DNAJC11: variants seen among roughly 807,000 people sequenced by gnomAD.
The protein encoded by DNAJC11 is dnaJ homolog subfamily C member 11.
Under a neutral mutation model 78.6 loss-of-function variants are expected in DNAJC11, and 15 were observed. That is an observed-to-expected ratio of 0.19 (90% CI 0.13 to 0.29). The LOEUF (loss-of-function observed/expected upper bound fraction) is 0.29. Ranked by LOEUF, DNAJC11 falls within the 10% of genes least tolerant of loss-of-function variation. The pLI, the probability that DNAJC11 is intolerant of heterozygous loss-of-function variation, is 1.00. For missense variants in DNAJC11, 547 were observed against 709.6 expected (o/e 0.77, Z 2.60); for synonymous variants, 292 against 272.1 (o/e 1.07, Z -0.72).
chr1:6,653,737 A>G lies in DNAJC11; in HGVS notation c.507+174T>C, dbSNP rs1557472745. 1 of 817,362 alleles carries G rather than the reference A, an allele frequency of 1.2e-6. No homozygotes were observed. Among genetic ancestry groups the G allele is most frequent in the Non-Finnish European group, 1.8e-6 (1 of 554,202 alleles). The allele number at this position is 817,362 out of a possible 1,614,324, so 50.6% of individuals were successfully genotyped here. Reference sequence around the variant, plus strand: ...CTCCTGCTGGCTCACATGCCAGCACAGCGGTAACACACGGCTGGGAATGAA... The same window carrying G: ...CTCCTGCTGGCTCACATGCCAGCACGGCGGTAACACACGGCTGGGAATGAA... On this transcript the variant is annotated intron_variant, in intron 5 of 15. Transcript: ENST00000377577. The surrounding 1 kb of genome is among the most constrained non-coding windows in gnomAD (Gnocchi z 4.5).
chr1:6,654,048 G>C lies in DNAJC11; in HGVS notation c.379-9C>G, dbSNP rs1642093627. The C allele has an allele frequency of 6.2e-7, 1 of 1,611,494 alleles. No homozygotes were observed. The highest frequency in any genetic ancestry group is 1.1e-5 in the South Asian group (1 of 90,974). ...CCAACGCTGATCGTTCCCTGGGGCAGAAAAACAAGCCGTCAGCAGAACGGG... is the reference window on the plus strand; with the variant it reads ...CCAACGCTGATCGTTCCCTGGGGCACAAAAACAAGCCGTCAGCAGAACGGG... On this transcript the variant is annotated splice_polypyrimidine_tract_variant and intron_variant, in intron 4 of 15. Coordinates refer to ENST00000377577, the MANE Select transcript of DNAJC11 (RefSeq NM_018198.4).
chr1:6,664,241 CTTTTTTTT>C (rs946714292), intron 4 of DNAJC11, among the ~76,000 whole-genome samples: 2 of 140,406 alleles, frequency 1.4e-5, no homozygotes, highest in Non-Finnish European at 3.1e-5. Context: ...CATTTTCTTT[CTTTTTTTT>C]TTTTTTTTGA....
intron 7 of DNAJC11, 31 bp from the exon 8 acceptor site, chr1:6,646,009 G>C: frequency 1.2e-6 from 2 of 1,604,164 alleles, no homozygotes; most frequent in South Asian, 2.2e-5. Context: ...AATAGGTCCT[G>C]GATAGCACCT....
Position 6,680,955 on chromosome 1 carries a change from T to G in DNAJC11, c.155A>C (p.Lys52Thr). 3 of 1,614,202 alleles carry G rather than the reference T, an allele frequency of 1.9e-6. No homozygotes were observed. Among genetic ancestry groups the G allele is most frequent in the Non-Finnish European group, 2.5e-6 (3 of 1,180,024 alleles). Reference sequence around the variant, plus strand: ...GTTAAACAGTCGTTCCGCCTGTGACTTGAGCTCTGGGTCTCTGTGCTTGTC... The same window carrying G: ...GTTAAACAGTCGTTCCGCCTGTGACGTGAGCTCTGGGTCTCTGTGCTTGTC... ...HPDKHRDPEL[K>T]SQAERLFNLV... The change falls in exon 2 of 16, where the codon AAG becomes ACG. Residue 52 changes from lysine (K) to threonine (T), a missense_variant. By Grantham distance (78) the Lys-to-Thr change is moderately conservative. Transcript: ENST00000377577. This position sits in a 1 kb window ranked among gnomAD's most constrained non-coding sequence, Gnocchi z 4.0.
In DNAJC11 at chr1:6,672,131, G is replaced by A. The variant is rs575456461; in HGVS notation, c.277-4321C>T. Among the ~76,000 whole-genome samples, 6 of 152,272 alleles carry A rather than the reference G, an allele frequency of 3.9e-5. No individual in the cohort carries two copies. In the South Asian group the frequency reaches 1.0e-3, roughly 26 times the overall value. On this transcript the variant is annotated intron_variant, in intron 3 of 15. Coordinates refer to ENST00000377577, the MANE Select transcript of DNAJC11 (RefSeq NM_018198.4). ...ATTACAGGTGTGAGCCACTGCACCC[G>A]GCCTGGATAGAAATTTTATAATTGA...
At chr1:6,643,454 T>A (rs1236497127) in intron 10 of DNAJC11, among the ~76,000 whole-genome samples, 2 of 151,784 alleles carry the variant, frequency 1.3e-5, no homozygotes, top group Non-Finnish European at 2.9e-5. Context: ...TTTTTGTATT[T>A]TTAGTAGAGA....
rs752499546 is a variant in DNAJC11, at chr1:6,645,173, CTG to C, written c.895-49_895-48del. The C allele has an allele frequency of 3.4e-6, 5 of 1,482,280 alleles. No homozygotes were observed. In the African/African-American group the frequency reaches 5.5e-5, roughly 16 times the overall value. The allele number at this position is 1,482,280 out of a possible 1,614,324, so 91.8% of individuals were successfully genotyped here. ...GGATGCGTGGCTAGGGCGTGTGACT[CTG>C]TGGGGAGATGGGTATCTGCCCTCCC... On this transcript the variant is annotated intron_variant, in intron 8 of 15. Coordinates refer to ENST00000377577, the MANE Select transcript of DNAJC11 (RefSeq NM_018198.4). The surrounding 1 kb of genome is among the most constrained non-coding windows in gnomAD (Gnocchi z 4.1).
At chr1:6,666,234 G>A (rs1477610827) in intron 4 of DNAJC11, among the ~76,000 whole-genome samples, 1 of 152,122 alleles carries the variant, frequency 6.6e-6, no homozygotes, top group Non-Finnish European at 1.5e-5. Context: ...TTTGAAATGT[G>A]GGATTCAAAG....
intron 3 of DNAJC11, among the ~76,000 whole-genome samples, chr1:6,675,207 C>T (rs952763821): frequency 3.3e-5 from 5 of 151,244 alleles, no homozygotes; most frequent in African/African-American, 9.7e-5. Context: ...AATACATATC[C>T]GAGTAAATAT....
intron 7 of DNAJC11, chr1:6,651,247 C>T (rs1642050457): frequency 4.7e-6 from 3 of 632,816 alleles, no homozygotes; most frequent in South Asian, 2.9e-5. Flanking sequence ...TCCCTGAAGG[C>T]ACTCTTTCTC....
At chr1:6,649,436 T>C (rs533038255) in intron 7 of DNAJC11, among the ~76,000 whole-genome samples, 1 of 152,308 alleles carries the variant, frequency 6.6e-6, no homozygotes, top group East Asian at 1.9e-4. Context: ...CCTAAAGTGC[T>C]GGGATTAGAG....
intron 6 of DNAJC11, among the ~76,000 whole-genome samples, chr1:6,652,129 G>A (rs541530469): frequency 5.3e-5 from 8 of 152,342 alleles, no homozygotes; most frequent in East Asian, 1.9e-4. Context: ...CCTGGCTGCC[G>A]TGTTTACTAG....
chr1:6,681,467 T>C (rs1295758962), intron 1 of DNAJC11, among the ~76,000 whole-genome samples: 2 of 152,186 alleles, frequency 1.3e-5, no homozygotes, highest in South Asian at 2.1e-4. Flanking sequence ...ATAACGAACA[T>C]GAATCCTTGA....
intron 7 of DNAJC11, among the ~76,000 whole-genome samples, chr1:6,649,088 GT>G (rs1642012739): frequency 6.6e-6 from 1 of 151,966 alleles, no homozygotes; most frequent in Non-Finnish European, 1.5e-5. Flanking sequence ...AACCTCCCGG[GT>G]TCAAGCAATC....
intron 4 of DNAJC11, among the ~76,000 whole-genome samples, chr1:6,664,935 C>T (rs999096171): frequency 2.6e-5 from 4 of 152,188 alleles, no homozygotes; most frequent in South Asian, 2.1e-4. Context: ...CTCTTATTGA[C>T]GAAAACAGAG....
chr1:6,644,318 G>C (rs1641932011), intron 10 of DNAJC11, among the ~76,000 whole-genome samples: 1 of 152,170 alleles, frequency 6.6e-6, no homozygotes, highest in Admixed American at 6.6e-5. Flanking sequence ...ATTTTCAGTA[G>C]AGATGGGGTT....
chr1:6,680,817 A>G lies in DNAJC11; in HGVS notation c.202+91T>C. 2 of 1,500,192 alleles carry G rather than the reference A, an allele frequency of 1.3e-6. No homozygotes were observed. Among genetic ancestry groups the G allele is most frequent in the Non-Finnish European group, 1.8e-6 (2 of 1,098,272 alleles). 92.9% of individuals were successfully genotyped at this position (1,500,192 alleles called of 1,614,324 possible). ...CCACCTGTTTTATATACCTCTAAGG[A>G]CTCTCTTTTTCTATCCTCTACAAAT... is the stretch of plus-strand genomic sequence containing the variant. On this transcript the variant is annotated intron_variant, in intron 2 of 15. Transcript: ENST00000377577. This position sits in a 1 kb window ranked among gnomAD's most constrained non-coding sequence, Gnocchi z 4.0.
In DNAJC11 at chr1:6,664,459, C is replaced by T. The variant is rs188156553; in HGVS notation, c.378+3250G>A. ...TTCACCGTGTTAGCCAGGATGGTCT[C>T]GATCTCCTGACCTCGTAATCCACCT... On this transcript the variant is annotated intron_variant, in intron 4 of 15. Coordinates refer to ENST00000377577, the MANE Select transcript of DNAJC11 (RefSeq NM_018198.4). 4.5e-4 allele frequency among the ~76,000 whole-genome samples: 69 copies of T among 152,120 alleles called. 1 individual carries two copies. Among genetic ancestry groups the T allele is most frequent in the African/African-American group, 1.4e-3 (60 of 41,530 alleles).
At chr1:6,663,282 A>AAC (rs1642245345) in intron 4 of DNAJC11, among the ~76,000 whole-genome samples, 1 of 152,146 alleles carries the variant, frequency 6.6e-6, no homozygotes, top group African/African-American at 2.4e-5. Flanking sequence ...GAGACAGTCA[A>AAC]ACTCCTTTGC....
Sources: allele counts gnomAD v4.1 joint callset (sites outside exome capture counted in the v4.1 genomes callset), GRCh38; gene constraint gnomAD v4.1.1; non-coding constraint Gnocchi (gnomAD v3.1); transcripts MANE v1.5; gene names NCBI Gene and HGNC (gene_info 2026-07-23, HGNC 2026-07-21).